SORCS1: variants seen among roughly 807,000 people sequenced by gnomAD.
SORCS1 encodes VPS10 domain-containing receptor SorCS1.
Under a neutral mutation model 146.1 loss-of-function variants are expected in SORCS1, and 60 were observed. The ratio of observed to expected loss-of-function variants is 0.41; its 90% CI spans 0.33 to 0.51. SORCS1 has a LOEUF of 0.51. SORCS1 is among the 20% of genes least tolerant of loss of function. The pLI is 0.21. For missense variants in SORCS1, 1,352 were observed against 1,487.6 expected, an observed-to-expected ratio of 0.91 and a Z score of 1.50; for synonymous variants, 637 against 584.0, an observed-to-expected ratio of 1.09 and a Z score of -1.31.
chr10:107,123,685 G>C (rs1590189076), intron 1 of SORCS1, among the ~76,000 whole-genome samples: 1 of 152,120 alleles, frequency 6.6e-6, no homozygotes, highest in African/African-American at 2.4e-5. Flanking sequence ...GCAGGCCCTG[G>C]AGACAGAAAA....
chr10:106,911,765 T>C (rs1175034008), intron 2 of SORCS1, among the ~76,000 whole-genome samples: 1 of 152,046 alleles, frequency 6.6e-6, no homozygotes, highest in Non-Finnish European at 1.5e-5. Context: ...CCCAAACCAA[T>C]TTAATTAGGA....
At chr10:106,623,850 A>G (rs1441594246) in intron 19 of SORCS1, among the ~76,000 whole-genome samples, 1 of 151,516 alleles carries the variant, frequency 6.6e-6, no homozygotes, top group Admixed American at 6.6e-5. Context: ...CATCCGGCTA[A>G]TTTTTGTATT....
At chr10:106,893,357 AT>A (rs1459826397) in intron 2 of SORCS1, among the ~76,000 whole-genome samples, 1 of 152,236 alleles carries the variant, frequency 6.6e-6, no homozygotes, top group Non-Finnish European at 1.5e-5. Flanking sequence ...TTTAGCTCAG[AT>A]TTTATAACAA....
intron 1 of SORCS1, among the ~76,000 whole-genome samples, chr10:107,029,595 T>C (rs1171458369): frequency 6.6e-6 from 1 of 152,214 alleles, no homozygotes; most frequent in African/African-American, 2.4e-5. Flanking sequence ...TCTCAATGCA[T>C]CATTCAATTA....
intron 4 of SORCS1, among the ~76,000 whole-genome samples, chr10:106,773,336 C>T (rs1321062935): frequency 6.6e-5 from 10 of 152,354 alleles, no homozygotes; most frequent in East Asian, 1.9e-4. Flanking sequence ...AAAAGTTCCA[C>T]GACCCATGGG....
At position 106,603,237 on chromosome 10, in the gene SORCS1, GC is replaced by G. The variant is rs753823108; in HGVS notation, c.3165+3928del. Among the ~76,000 whole-genome samples, 11 of 152,280 alleles carry G rather than the reference GC, an allele frequency of 7.2e-5. No individual in the cohort carries two copies. In the East Asian group the frequency reaches 1.5e-3, roughly 21 times the overall value. ...AGCAAGGAAGTGGGATGCTTGAGGG[GC>G]AGGGCTTGCTCCACATCTAAGCAGC... is the stretch of plus-strand genomic sequence containing the variant. On this transcript the variant is annotated intron_variant, in intron 23 of 25. Coordinates refer to ENST00000263054, the MANE Select transcript of SORCS1 (RefSeq NM_052918.5).
At chr10:106,951,535 A>G (rs936510456) in intron 2 of SORCS1, among the ~76,000 whole-genome samples, 1 of 151,288 alleles carries the variant, frequency 6.6e-6, no homozygotes, top group African/African-American at 2.4e-5. Context: ...AAAAAACGGA[A>G]CACCTGGAGG....
chr10:106,881,396 G>A (rs1386660554), intron 2 of SORCS1, among the ~76,000 whole-genome samples: 9 of 152,128 alleles, frequency 5.9e-5, no homozygotes, highest in Admixed American at 5.9e-4. Flanking sequence ...TCTTTTGTCT[G>A]CTCTCTGTTA....
At position 106,960,396 on chromosome 10, in the gene SORCS1, T is replaced by A. The variant is rs1366964354; in HGVS notation, c.559-3816A>T. Among the ~76,000 whole-genome samples, 2 of 151,072 alleles carry A rather than the reference T, an allele frequency of 1.3e-5. No homozygotes were observed. The highest frequency in any genetic ancestry group is 4.9e-5 in the African/African-American group (2 of 40,544). ...GGAACTTCACTTGGTCCATACGTTT[T>A]CTCTTTTTCTTTTTCTTTTTTTTTT... On this transcript the variant is annotated intron_variant, in intron 1 of 25. Coordinates refer to ENST00000263054, the MANE Select transcript of SORCS1 (RefSeq NM_052918.5). This position sits in a 1 kb window ranked among gnomAD's most constrained non-coding sequence, Gnocchi z 4.4.
intron 18 of SORCS1, among the ~76,000 whole-genome samples, chr10:106,648,135 C>A (rs1445258470): frequency 6.6e-6 from 1 of 152,070 alleles, no homozygotes; most frequent in Non-Finnish European, 1.5e-5. Flanking sequence ...ATGTTGGGAT[C>A]CACCGCACCA....
intron 1 of SORCS1, among the ~76,000 whole-genome samples, chr10:106,998,788 C>T (rs1564907295): frequency 6.6e-6 from 1 of 152,188 alleles, no homozygotes; most frequent in Admixed American, 6.5e-5. Context: ...CTAAAAATAA[C>T]CTCTCTGATA....
intron 4 of SORCS1, among the ~76,000 whole-genome samples, chr10:106,766,151 G>C (rs999778): frequency 6.6e-6 from 1 of 151,924 alleles, no homozygotes; most frequent in Non-Finnish European, 1.5e-5. Flanking sequence ...TCCTGCTGTC[G>C]GCTCTTTTCA....
intron 2 of SORCS1, among the ~76,000 whole-genome samples, chr10:106,918,074 CAGGACAT>C (rs1322332642): frequency 7.2e-5 from 11 of 152,228 alleles, no homozygotes; most frequent in Middle Eastern, 3.4e-3. Context: ...TCTTCCTGTC[CAGGACAT>C]CCTCCTGAGG....
At chr10:106,797,123 T>C (rs1946607676) in intron 3 of SORCS1, among the ~76,000 whole-genome samples, 1 of 152,004 alleles carries the variant, frequency 6.6e-6, no homozygotes, top group African/African-American at 2.4e-5. Context: ...ATAATAATAA[T>C]AAAAATAAAA....
rs186065642 is a variant in SORCS1, at chr10:106,831,523, A to C, written c.627-1850T>G. On this transcript the variant is annotated intron_variant, in intron 2 of 25. Transcript: ENST00000263054. Reference sequence around the variant, plus strand: ...TAATTCGAAAAACACAAAAATTGTAATCATCTTAATTAATTTCTGAAACTG... The same window carrying C: ...TAATTCGAAAAACACAAAAATTGTACTCATCTTAATTAATTTCTGAAACTG... 2.0e-3 allele frequency among the ~76,000 whole-genome samples: 312 copies of C among 152,330 alleles called. 2 individuals are homozygous for C. Among genetic ancestry groups the C allele is most frequent in the African/African-American group, 6.9e-3 (288 of 41,556 alleles).
At position 106,918,614 on chromosome 10, in the gene SORCS1, G is replaced by T. The variant is rs79724246; in HGVS notation, c.626+37899C>A. Among the ~76,000 whole-genome samples the T allele has an allele frequency of 6.7e-3, 1,023 of 152,174 alleles. 19 individuals are homozygous for T. The highest frequency in any genetic ancestry group is 0.024 in the African/African-American group (977 of 41,522). ...AAAAATAGAGGAGGAGAGGGAGAAA[G>T]GGGGAGAAAGGGAGAGAGTGGGGCA... On this transcript the variant is annotated intron_variant, in intron 2 of 25. Transcript: ENST00000263054.
Position 106,699,258 on chromosome 10 carries a change from T to C in SORCS1, c.1369A>G (p.Ser457Gly). 6.2e-7 allele frequency: 1 copy of C among 1,613,990 alleles called. No individual in the cohort carries two copies. Among genetic ancestry groups the C allele is most frequent in the Non-Finnish European group, 8.5e-7 (1 of 1,179,910 alleles). The change falls in exon 9 of 26, where the codon AGC becomes GGC. Residue 457 changes from serine (S) to glycine (G), a missense_variant. By Grantham distance (56) the Ser-to-Gly change is moderately conservative. Coordinates refer to ENST00000263054, the MANE Select transcript of SORCS1 (RefSeq NM_052918.5). ...ATGTTGCCCTCAGGGCCTCTGCTGC[T>C]CTGGACATTCTCCAAGGCCAGGGTG... ...YFTLALENVQ[S>G]SRGPEGNIMI...
intron 1 of SORCS1, among the ~76,000 whole-genome samples, chr10:107,126,435 ACC>A (rs1966716258): frequency 1.3e-5 from 2 of 152,188 alleles, no homozygotes; most frequent in African/African-American, 4.8e-5. Context: ...ACAGGTATCT[ACC>A]TTATTAAAAT....
intron 5 of SORCS1, among the ~76,000 whole-genome samples, chr10:106,735,095 G>A (rs1171596804): frequency 3.4e-5 from 5 of 146,512 alleles, no homozygotes; most frequent in South Asian, 2.1e-4. Context: ...GCAGTGAGCC[G>A]AGATCAAGCC....
Sources: gnomAD v4.1 joint callset for allele counts (sites outside exome capture counted in the v4.1 genomes callset) on GRCh38, gnomAD v4.1.1 for gene constraint, Gnocchi (gnomAD v3.1) non-coding constraint, MANE v1.5 for transcripts, NCBI Gene and HGNC (gene_info 2026-07-23, HGNC 2026-07-21) for gene names.